The following RBFOX1 variants were observed in gnomAD, a reference collection of about 807,000 sequenced individuals.
The protein encoded by RBFOX1 is RNA binding protein fox-1 homolog 1.
RBFOX1 carries 8 observed loss-of-function variants against 57.7 expected under a neutral mutation model. The observed-to-expected ratio is 0.14, with a 90% confidence interval of 0.08 to 0.25. RBFOX1 has a LOEUF of 0.25. Among genes scored for constraint, RBFOX1 ranks in the 10% least tolerant of loss-of-function variants. The pLI, the probability that RBFOX1 is intolerant of heterozygous loss-of-function variation, is 1.00. For synonymous variants in RBFOX1, 326 were observed against 222.4 expected (o/e 1.47, Z -4.15); for missense variants, 611 against 548.5 (o/e 1.11, Z -1.14).
At position 5,497,996 on chromosome 16, in the gene RBFOX1, C is replaced by G. The variant is rs549688629; in HGVS notation, c.258+30742C>G. ...CAGAGGGAAAAAACATGTGCAAAGG[C>G]TGGAAGATGGGGAAAGCTGTCATTT... is the stretch of plus-strand genomic sequence containing the variant. On this transcript the variant is annotated intron_variant, in intron 2 of 2. Transcript: ENST00000585867. 4.6e-5 allele frequency among the ~76,000 whole-genome samples: 7 copies of G among 152,088 alleles called. No homozygotes were observed. The South Asian group carries it at 1.5e-3, about 32-fold the overall frequency.
At chr16:7,567,210 A>ATATATCCATATATAT (rs1251424231) in intron 5 of RBFOX1, among the ~76,000 whole-genome samples, 1 of 100,946 alleles carries the variant, frequency 9.9e-6, no homozygotes, top group Non-Finnish European at 2.0e-5. Flanking sequence ...TCCCTATATA[A>ATATATCCATATATAT]ATATCCATAT....
chr16:7,390,880 G>T (rs1007964305), intron 4 of RBFOX1, among the ~76,000 whole-genome samples: 3 of 152,036 alleles, frequency 2.0e-5, no homozygotes, highest in African/African-American at 7.2e-5. Context: ...ATGGAGAGTT[G>T]GGAATGTAGA....
At chr16:6,218,607 C>T (rs2097351518) in intron 1 of RBFOX1, among the ~76,000 whole-genome samples, 1 of 152,088 alleles carries the variant, frequency 6.6e-6, no homozygotes, top group Non-Finnish European at 1.5e-5. Flanking sequence ...ACTGCGCCGG[C>T]CTTAGTAAAG....
At chr16:7,477,821 A>T (rs1026170172) in intron 4 of RBFOX1, among the ~76,000 whole-genome samples, 14 of 152,164 alleles carry the variant, frequency 9.2e-5, no homozygotes, top group Non-Finnish European at 2.9e-5. Flanking sequence ...ATAGACCCTG[A>T]GTCTAGGAAA....
intron 3 of RBFOX1, among the ~76,000 whole-genome samples, chr16:5,735,024 C>G (rs2052520967): frequency 6.6e-6 from 1 of 152,118 alleles, no homozygotes; most frequent in South Asian, 2.1e-4. Context: ...GGAAGATACA[C>G]CATGAGAGAA....
In RBFOX1 at chr16:7,660,969, A is replaced by G. The variant is rs901329890; in HGVS notation, c.891-3960A>G. ...ACATGTCTAAAGAGGCAATGATCATATTGTCCATCTCATGGGGGTATTCTA... is the reference window on the plus strand; with the variant it reads ...ACATGTCTAAAGAGGCAATGATCATGTTGTCCATCTCATGGGGGTATTCTA... On this transcript the variant is annotated intron_variant, in intron 12 of 15. Coordinates refer to ENST00000550418, the MANE Select transcript of RBFOX1 (RefSeq NM_018723.4). Among the ~76,000 whole-genome samples the G allele has an allele frequency of 5.3e-5, 8 of 152,106 alleles. No individual in the cohort carries two copies. In the East Asian group the frequency reaches 1.5e-3, roughly 29 times the overall value.
At chr16:5,875,682 C>T (rs1438708684) in intron 4 of RBFOX1, among the ~76,000 whole-genome samples, 2 of 152,162 alleles carry the variant, frequency 1.3e-5, no homozygotes, top group African/African-American at 4.8e-5. Flanking sequence ...TCTGAACCCA[C>T]ATGGAAGCAT....
chr16:7,547,405 C>G (rs150251455), intron 5 of RBFOX1, among the ~76,000 whole-genome samples: 69 of 152,252 alleles, frequency 4.5e-4, no homozygotes, highest in Non-Finnish European at 8.7e-4. Flanking sequence ...AAGTGAGCAC[C>G]TTGCCTTCTG....
intron 1 of RBFOX1, among the ~76,000 whole-genome samples, chr16:6,223,905 C>G (rs1217553707): frequency 1.3e-5 from 2 of 152,196 alleles, no homozygotes; most frequent in Non-Finnish European, 2.9e-5. Context: ...GATCCAGTTT[C>G]AGCTTTCTCC....
chr16:7,444,013 T>G (rs1299640201), intron 4 of RBFOX1, among the ~76,000 whole-genome samples: 2 of 152,172 alleles, frequency 1.3e-5, no homozygotes, highest in African/African-American at 4.8e-5. Context: ...GAAGAAATAG[T>G]TAGAATTGTT....
In RBFOX1 at chr16:6,927,404, C is replaced by A. The variant is rs148172473; in HGVS notation, c.-15-124653C>A. ...CTCCAGCCTGGGCAACAGAGTGAGA[C>A]GCTTTCTCACAAAAAAAAAAAAAAA... On this transcript the variant is annotated intron_variant, in intron 3 of 15. Coordinates refer to ENST00000550418, the MANE Select transcript of RBFOX1 (RefSeq NM_018723.4). 8.9e-3 allele frequency among the ~76,000 whole-genome samples: 699 copies of A among 78,782 alleles called. 3 individuals carry two copies. The highest frequency in any genetic ancestry group is 0.048 in the African/African-American group (640 of 13,238). The allele number at this position is 78,782 out of a possible 152,430, so 51.7% of individuals were successfully genotyped here. A position where few individuals can be genotyped will look rare whatever the true frequency, so the allele number is the denominator to read the frequency against.
chr16:5,359,831 G>A (rs1381455041), intron 1 of RBFOX1, among the ~76,000 whole-genome samples: 6 of 152,142 alleles, frequency 3.9e-5, no homozygotes, highest in South Asian at 2.1e-4. Flanking sequence ...TGTGGTTAAT[G>A]GTTTCCTCTC....
At chr16:5,676,092 C>T (rs2151426595) in intron 3 of RBFOX1, among the ~76,000 whole-genome samples, 1 of 152,060 alleles carries the variant, frequency 6.6e-6, no homozygotes, top group African/African-American at 2.4e-5. Context: ...CCTGCTGGGG[C>T]ATTGAGGGGC....
intron 5 of RBFOX1, among the ~76,000 whole-genome samples, chr16:7,531,331 A>C (rs1018497252): frequency 6.6e-6 from 1 of 152,182 alleles, no homozygotes; most frequent in Non-Finnish European, 1.5e-5. Context: ...GGTAATGATC[A>C]CTAGCATTTA....
rs966049239 is a variant in RBFOX1 at position 5,922,205 on chromosome 16, A to C, written c.351+54870A>C. Among the ~76,000 whole-genome samples, 4 of 152,154 alleles carry C rather than the reference A, an allele frequency of 2.6e-5. 1 individual carries two copies. The highest frequency in any genetic ancestry group is 9.7e-5 in the African/African-American group (4 of 41,430). On this transcript the variant is annotated intron_variant, in intron 4 of 19. Transcript: ENST00000641259. ...AAACCCTAGCTCTCTATGTGAACTC[A>C]GAGCGAGAACTCACTCATCACCAAG...
At chr16:6,465,779 C>G (rs956535006) in intron 2 of RBFOX1, among the ~76,000 whole-genome samples, 1 of 151,564 alleles carries the variant, frequency 6.6e-6, no homozygotes, top group East Asian at 1.9e-4. Context: ...TACTATATGG[C>G]TCTTTGCAGG....
chr16:6,794,543 T>A (rs1460584517), intron 3 of RBFOX1, among the ~76,000 whole-genome samples: 1 of 152,108 alleles, frequency 6.6e-6, no homozygotes, highest in East Asian at 1.9e-4. Flanking sequence ...TTATTTTAAG[T>A]GATTGGTGCA....
intron 3 of RBFOX1, among the ~76,000 whole-genome samples, chr16:6,753,605 A>C (rs1175195446): frequency 6.6e-6 from 1 of 152,166 alleles, no homozygotes; most frequent in African/African-American, 2.4e-5. Context: ...CAACTCCTGT[A>C]AGTAGAACCA....
At chr16:5,470,088 T>G (rs960883628) in intron 2 of RBFOX1, among the ~76,000 whole-genome samples, 1 of 152,228 alleles carries the variant, frequency 6.6e-6, no homozygotes, top group African/African-American at 2.4e-5. Flanking sequence ...TGTCACCATC[T>G]TTTAACAAAG....
Sources: gnomAD v4.1 joint callset for allele counts (sites outside exome capture counted in the v4.1 genomes callset) on GRCh38, gnomAD v4.1.1 for gene constraint, MANE v1.5 for transcripts, NCBI Gene and HGNC (gene_info 2026-07-23, HGNC 2026-07-21) for gene names.